The following NRXN1 variants were observed in gnomAD, a reference collection of about 807,000 sequenced individuals.
NRXN1 encodes the protein neurexin-1.
A neutral mutation model predicts 150.9 loss-of-function variants in NRXN1; 39 were observed. That is an observed-to-expected ratio of 0.26 (90% confidence interval 0.20 to 0.34). The LOEUF (loss-of-function observed/expected upper bound fraction) is 0.34, where lower values mean the gene tolerates loss of function less well. Ranked by LOEUF, NRXN1 falls within the 10% of genes least tolerant of loss-of-function variation. NRXN1 has a pLI of 1.00. For synonymous variants in NRXN1, 924 were observed against 757.0 expected, an observed-to-expected ratio of 1.22 and a Z score of -3.62; for missense variants, 1,815 against 1,949.9, an observed-to-expected ratio of 0.93 and a Z score of 1.30.
chr2:50,853,595 C>T (rs964822430), intron 5 of NRXN1, among the ~76,000 whole-genome samples: 5 of 152,072 alleles, frequency 3.3e-5, no homozygotes, highest in African/African-American at 1.2e-4. Context: ...AAAGCTAGAA[C>T]ACAAATCATC....
At chr2:50,829,057 T>C (rs1490722369) in intron 5 of NRXN1, among the ~76,000 whole-genome samples, 1 of 151,898 alleles carries the variant, frequency 6.6e-6, no homozygotes, top group African/African-American at 2.4e-5. Flanking sequence ...CAAAACCCCG[T>C]CTCCACCAAA....
chr2:50,440,082 T>C (rs1262923239), intron 17 of NRXN1, among the ~76,000 whole-genome samples: 3 of 152,128 alleles, frequency 2.0e-5, no homozygotes, highest in African/African-American at 7.2e-5. Context: ...CTTCAACTCA[T>C]CCTCAAGAGT....
chr2:50,066,263 T>C (rs901664998), intron 19 of NRXN1, among the ~76,000 whole-genome samples: 6 of 152,178 alleles, frequency 3.9e-5, no homozygotes, highest in African/African-American at 1.4e-4. Context: ...TCACATGGAT[T>C]CTATTGTTGA....
chr2:50,876,580 A>T (rs13000017), intron 5 of NRXN1, among the ~76,000 whole-genome samples: 42,853 of 151,658 alleles, frequency 0.28, 6,943 homozygotes, highest in Non-Finnish European at 0.38. Flanking sequence ...GCATAATACA[A>T]TATCAGTATT....
intron 18 of NRXN1, among the ~76,000 whole-genome samples, chr2:50,224,726 A>G (rs1422512664): frequency 1.7e-5 from 2 of 116,474 alleles, no homozygotes; most frequent in African/African-American, 6.6e-5. Context: ...AGAGAGAGAG[A>G]GAGAGAGAAT....
At chr2:50,037,186 A>G (rs1690170776) in intron 21 of NRXN1, among the ~76,000 whole-genome samples, 1 of 152,204 alleles carries the variant, frequency 6.6e-6, no homozygotes, top group Non-Finnish European at 1.5e-5. Context: ...ATACAGGGCT[A>G]AAACATTTTA....
chr2:50,022,228 C>T (rs1365915579), intron 21 of NRXN1, among the ~76,000 whole-genome samples: 2 of 152,160 alleles, frequency 1.3e-5, no homozygotes, highest in Non-Finnish European at 2.9e-5. Flanking sequence ...ATGATCTGCC[C>T]GCCTCAGCCT....
chr2:50,226,487 A>G (rs537775899), intron 18 of NRXN1, among the ~76,000 whole-genome samples: 1 of 152,078 alleles, frequency 6.6e-6, no homozygotes, highest in South Asian at 2.1e-4. Context: ...AGGAGGTAGA[A>G]GAGAAAGAAG....
Position 50,546,068 on chromosome 2 carries a change from G to A in NRXN1, c.1759+6519C>T, listed in dbSNP as rs548000183. 7.2e-5 allele frequency among the ~76,000 whole-genome samples: 11 copies of A among 152,090 alleles called. 1 individual carries two copies. The South Asian group carries it at 2.3e-3, about 32-fold the overall frequency. On this transcript the variant is annotated intron_variant, in intron 9 of 22. Coordinates refer to ENST00000401669, the MANE Select transcript of NRXN1 (RefSeq NM_001330078.2). ...ACAGATGCAAAACCCACAAAAAATGGGGGGCCGGGCCGACTGTATACATAA... is the reference window on the plus strand; with the variant it reads ...ACAGATGCAAAACCCACAAAAAATGAGGGGCCGGGCCGACTGTATACATAA...
At chr2:50,948,222 A>G (rs1690721146) in intron 2 of NRXN1, among the ~76,000 whole-genome samples, 1 of 152,004 alleles carries the variant, frequency 6.6e-6, no homozygotes, top group African/African-American at 2.4e-5. Flanking sequence ...AATTATTAAC[A>G]TCTGAATATT....
intron 17 of NRXN1, among the ~76,000 whole-genome samples, chr2:50,297,300 C>T (rs1164487201): frequency 6.6e-6 from 1 of 152,080 alleles, no homozygotes; most frequent in African/African-American, 2.4e-5. Flanking sequence ...TTAACATCTT[C>T]GATGATGAAG....
At chr2:50,945,596 C>T (rs1690228829) in intron 2 of NRXN1, among the ~76,000 whole-genome samples, 1 of 151,694 alleles carries the variant, frequency 6.6e-6, no homozygotes, top group African/African-American at 2.4e-5. Context: ...TTGGCCTATA[C>T]ACCATAGTTT....
At chr2:50,176,677 A>T (rs2060371545) in intron 18 of NRXN1, among the ~76,000 whole-genome samples, 1 of 152,182 alleles carries the variant, frequency 6.6e-6, no homozygotes, top group African/African-American at 2.4e-5. Flanking sequence ...AACTTAAAAT[A>T]ATCAGCCTTT....
intron 2 of NRXN1, among the ~76,000 whole-genome samples, chr2:50,974,903 T>A (rs777133050): frequency 3.3e-5 from 5 of 152,222 alleles, no homozygotes; most frequent in Admixed American, 6.6e-5. Flanking sequence ...GTATTTTCCA[T>A]TCCCTTCCAT....
At chr2:50,254,003 C>CCAGCTCCCCTT (rs1347659611) in intron 17 of NRXN1, among the ~76,000 whole-genome samples, 1 of 151,690 alleles carries the variant, frequency 6.6e-6, no homozygotes, top group Non-Finnish European at 1.5e-5. Context: ...CAGCTCCCCT[C>CCAGCTCCCCTT]TGTATCTCTA....
intron 5 of NRXN1, among the ~76,000 whole-genome samples, chr2:50,661,937 T>C (rs1687361846): frequency 6.6e-6 from 1 of 152,080 alleles, no homozygotes; most frequent in Admixed American, 6.6e-5. Context: ...AATTGTTTGG[T>C]CTGTCCATCA....
chr2:50,995,705 A>G (rs922707230), intron 2 of NRXN1, among the ~76,000 whole-genome samples: 1 of 151,916 alleles, frequency 6.6e-6, no homozygotes, highest in Non-Finnish European at 1.5e-5. Context: ...TTAAATAAAT[A>G]GCACCCCATC....
At chr2:50,222,457 G>C (rs889081191) in intron 18 of NRXN1, among the ~76,000 whole-genome samples, 1 of 151,850 alleles carries the variant, frequency 6.6e-6, no homozygotes, top group African/African-American at 2.4e-5. Flanking sequence ...ACTGCTGGTG[G>C]GAGTGTTCAA....
intron 8 of NRXN1, among the ~76,000 whole-genome samples, chr2:50,562,365 G>A (rs890435348): frequency 8.6e-6 from 1 of 116,028 alleles, no homozygotes. Flanking sequence ...ATAGATAGAT[G>A]ATTTCCTACA....
Sources: allele counts gnomAD v4.1 joint callset (sites outside exome capture counted in the v4.1 genomes callset), GRCh38; gene constraint gnomAD v4.1.1; transcripts MANE v1.5; gene names NCBI Gene and HGNC (gene_info 2026-07-23, HGNC 2026-07-21).